The following SLC1A2 variants were observed in gnomAD, a reference collection of about 807,000 sequenced individuals.
SLC1A2 encodes excitatory amino acid transporter 2.
SLC1A2 carries 15 observed loss-of-function variants against 48.8 expected under a neutral mutation model. The ratio of observed to expected loss-of-function variants is 0.31; its 90% CI spans 0.21 to 0.47. The LOEUF (loss-of-function observed/expected upper bound fraction) is 0.47. Ranked by LOEUF, SLC1A2 falls within the 20% of genes least tolerant of loss-of-function variation. SLC1A2 has a pLI of 0.99. For missense variants in SLC1A2, 502 were observed against 730.5 expected, an observed-to-expected ratio of 0.69 and a Z score of 3.61; for synonymous variants, 279 against 272.6, an observed-to-expected ratio of 1.02 and a Z score of -0.23.
chr11:35,333,827 ATTTTTTTT>A (rs373988431), intron 1 of SLC1A2, among the ~76,000 whole-genome samples: 32,498 of 126,738 alleles, frequency 0.26, 3,656 homozygotes, highest in Middle Eastern at 0.35. Flanking sequence ...ATGCCAGCTA[ATTTTTTTT>A]TTTTTTTTTT....
At chr11:35,327,029 G>A (rs1277528914) in intron 1 of SLC1A2, among the ~76,000 whole-genome samples, 2 of 152,208 alleles carry the variant, frequency 1.3e-5, no homozygotes, top group African/African-American at 4.8e-5. Flanking sequence ...CATAAATGAC[G>A]TAAACTTTGC....
At chr11:35,408,613 A>G (rs1855371179) in intron 1 of SLC1A2, among the ~76,000 whole-genome samples, 1 of 152,204 alleles carries the variant, frequency 6.6e-6, no homozygotes. Context: ...AGTTTCAGGT[A>G]TGCCGGGTAT....
intron 4 of SLC1A2, among the ~76,000 whole-genome samples, chr11:35,310,176 T>C (rs1337215248): frequency 1.3e-5 from 2 of 152,206 alleles, no homozygotes; most frequent in African/African-American, 4.8e-5. Flanking sequence ...GAGCATGGCA[T>C]GACCAGGCAC....
intron 1 of SLC1A2, among the ~76,000 whole-genome samples, chr11:35,357,988 T>C (rs947661794): frequency 2.6e-5 from 4 of 151,924 alleles, no homozygotes; most frequent in African/African-American, 9.7e-5. Flanking sequence ...CTACCAAAAA[T>C]ACAAAAATTA....
chr11:35,312,946 C>A (rs751553578), intron 3 of SLC1A2, among the ~76,000 whole-genome samples: 2 of 152,122 alleles, frequency 1.3e-5, no homozygotes, highest in Non-Finnish European at 1.5e-5. Flanking sequence ...TTTTACAGAA[C>A]TGGGAGAGTT....
chr11:35,409,882 C>T (rs1054836821), intron 1 of SLC1A2, among the ~76,000 whole-genome samples: 11 of 152,056 alleles, frequency 7.2e-5, no homozygotes, highest in Non-Finnish European at 1.5e-4. Flanking sequence ...GCACTCCAGC[C>T]TAAGTGACAG....
chr11:35,315,170 T>C lies in SLC1A2; in HGVS notation c.163A>G (p.Ile55Val), dbSNP rs374360036. Residue 55 changes from isoleucine to valine, a missense_variant, in exon 3 of 11, where the codon ATC becomes GTC. Coordinates refer to ENST00000278379, the MANE Select transcript of SLC1A2 (RefSeq NM_004171.4). ...AGCCCTCCACACACTGCTCCCAGGA[T>C]GACACCTAAAAGGAAGGGGAAAACA... ...LLLTLTVFGV[I>V]LGAVCGGLLR... 3.7e-6 allele frequency: 6 copies of C among 1,613,502 alleles called. No individual in the cohort carries two copies. Among genetic ancestry groups the C allele is most frequent in the Non-Finnish European group, 5.1e-6 (6 of 1,179,574 alleles).
At chr11:35,395,782 C>T (rs1186148619) in intron 1 of SLC1A2, among the ~76,000 whole-genome samples, 2 of 141,930 alleles carry the variant, frequency 1.4e-5, no homozygotes, top group South Asian at 2.4e-4. Flanking sequence ...CCCACTAACT[C>T]GTCATCTAGC....
At chr11:35,309,888 A>T (rs187810479) in intron 4 of SLC1A2, among the ~76,000 whole-genome samples, 20 of 152,204 alleles carry the variant, frequency 1.3e-4, no homozygotes, top group African/African-American at 3.4e-4. Context: ...AGGGACCTTG[A>T]TACTGAGCCT....
intron 1 of SLC1A2, chr11:35,399,645 C>A: frequency 3.1e-6 from 3 of 974,158 alleles, no homozygotes; most frequent in Non-Finnish European, 3.7e-6. Context: ...ATCATCTATT[C>A]CTACTCAAAA....
intron 1 of SLC1A2, among the ~76,000 whole-genome samples, chr11:35,366,905 CA>C (rs1302718460): frequency 6.6e-6 from 1 of 152,160 alleles, no homozygotes; most frequent in Non-Finnish European, 1.5e-5. Flanking sequence ...CAATGTGTAA[CA>C]GACACAAAAT....
intron 1 of SLC1A2, among the ~76,000 whole-genome samples, chr11:35,403,821 A>T (rs1855201631): frequency 6.6e-6 from 1 of 151,738 alleles, no homozygotes; most frequent in South Asian, 2.1e-4. Flanking sequence ...GGATTAATTT[A>T]ATGCCCCCTA....
intron 1 of SLC1A2, 66 bp downstream of exon 1, chr11:35,418,884 G>C (rs891503113): frequency 6.8e-7 from 1 of 1,466,588 alleles, no homozygotes; most frequent in African/African-American, 1.4e-5. Context: ...CCGCATCCCG[G>C]ATAGGGGCGC....
In SLC1A2 at chr11:35,255,004, G is replaced by C. The variant is rs1247517179; in HGVS notation, c.*5890C>G. The C allele has an allele frequency of 2.4e-5, 7 of 288,498 alleles. No homozygotes were observed. Among genetic ancestry groups the C allele is most frequent in the African/African-American group, 4.5e-5 (2 of 44,486 alleles). The allele number at this position is 288,498 out of a possible 1,614,324, so 17.9% of individuals were successfully genotyped here. On this transcript the variant is annotated 3_prime_UTR_variant, in exon 11 of 11. Transcript: ENST00000278379. ...TCTTATCTGGGTCAATGAAGAAATT[G>C]TGTTTATCTTGCTGCCCTTGCATCA...
chr11:35,253,613 C>T lies in SLC1A2; in HGVS notation c.*7281G>A, dbSNP rs897230624. Reference sequence around the variant, plus strand: ...GATGAATTATTTAGATGTATATCCTCACCAGCTAAGGGATTTAAGCAATTC... The same window carrying T: ...GATGAATTATTTAGATGTATATCCTTACCAGCTAAGGGATTTAAGCAATTC... On this transcript the variant is annotated 3_prime_UTR_variant, in exon 11 of 11. Transcript: ENST00000278379. 1.3e-5 allele frequency: 2 copies of T among 152,662 alleles called. No individual in the cohort carries two copies. Among genetic ancestry groups the T allele is most frequent in the Non-Finnish European group, 2.9e-5 (2 of 68,048 alleles). 9.5% of individuals were successfully genotyped at this position (152,662 alleles called of 1,614,324 possible).
At chr11:35,349,098 T>C (rs2135072432) in intron 1 of SLC1A2, among the ~76,000 whole-genome samples, 1 of 151,660 alleles carries the variant, frequency 6.6e-6, no homozygotes, top group East Asian at 1.9e-4. Flanking sequence ...CCAAAACAGG[T>C]GGACATAGAG....
intron 1 of SLC1A2, among the ~76,000 whole-genome samples, chr11:35,402,763 G>A (rs570772179): frequency 7.9e-5 from 12 of 152,226 alleles, no homozygotes; most frequent in Non-Finnish European, 1.6e-4. Flanking sequence ...GAACTGACTT[G>A]CAGGACACCT....
At chr11:35,354,913 T>G (rs116688583) in intron 1 of SLC1A2, among the ~76,000 whole-genome samples, 2,695 of 152,292 alleles carry the variant, frequency 0.018, 64 homozygotes, top group African/African-American at 0.061. Context: ...CTTCCTGAAT[T>G]TCCTCCGTTC....
intron 1 of SLC1A2, among the ~76,000 whole-genome samples, chr11:35,337,649 A>G (rs930296000): frequency 6.6e-6 from 1 of 152,170 alleles, no homozygotes; most frequent in Non-Finnish European, 1.5e-5. Flanking sequence ...GACTCTACCT[A>G]TAGGGTAGAG....
Sources: allele counts gnomAD v4.1 joint callset (sites outside exome capture counted in the v4.1 genomes callset), GRCh38; gene constraint gnomAD v4.1.1; transcripts MANE v1.5; gene names NCBI Gene and HGNC (gene_info 2026-07-23, HGNC 2026-07-21).